Variants in AGBL4 observed in about 807,000 individuals in gnomAD.
The protein encoded by AGBL4 is cytosolic carboxypeptidase 6.
AGBL4 carries 58 observed loss-of-function variants against 66.4 expected under a neutral mutation model. The ratio of observed to expected loss-of-function variants is 0.87; its 90% CI spans 0.71 to 1.09. The LOEUF (loss-of-function observed/expected upper bound fraction) is 1.09. Among genes scored for constraint, AGBL4 ranks in the 50% least tolerant of loss-of-function variants. The probability of loss-of-function intolerance (pLI) is 0.00; values close to 1 mark genes in which losing one functional copy is unlikely to be tolerated. For missense variants in AGBL4, 579 were observed against 631.0 expected, an observed-to-expected ratio of 0.92 and a Z score of 0.88; for synonymous variants, 234 against 222.9, an observed-to-expected ratio of 1.05 and a Z score of -0.44.
Position 48,736,539 on chromosome 1 carries a change from A to C in AGBL4, c.635-73298T>G. The C allele has an allele frequency of 8.8e-7, 1 of 1,141,130 alleles. No individual in the cohort carries two copies. The highest frequency in any genetic ancestry group is 2.4e-5 in the East Asian group (1 of 42,462). 70.7% of individuals were successfully genotyped at this position (1,141,130 alleles called of 1,614,324 possible). A position where few individuals can be genotyped will look rare whatever the true frequency, so the allele number is the denominator to read the frequency against. ...CTTGTCCTTTAAAAAGCATTGCTGC[A>C]CAACTGTAAGAGATTCATGTCATAA... On this transcript the variant is annotated intron_variant, in intron 6 of 13. Coordinates refer to ENST00000371839, the MANE Select transcript of AGBL4 (RefSeq NM_032785.4). The surrounding 1 kb of genome is among the most constrained non-coding windows in gnomAD (Gnocchi z 4.0).
chr1:49,343,126 G>A (rs1404764034), intron 3 of AGBL4, among the ~76,000 whole-genome samples: 5 of 150,932 alleles, frequency 3.3e-5, no homozygotes, highest in South Asian at 4.2e-4. Flanking sequence ...CTTCTCAGTC[G>A]GCCTGAATTA....
chr1:49,763,492 T>C (rs967257536), intron 2 of AGBL4, among the ~76,000 whole-genome samples: 5 of 152,212 alleles, frequency 3.3e-5, no homozygotes, highest in African/African-American at 9.7e-5. Context: ...TTCTTCAAGA[T>C]GATGGTCTAA....
intron 3 of AGBL4, among the ~76,000 whole-genome samples, chr1:49,590,536 A>G (rs532470842): frequency 6.6e-6 from 1 of 152,224 alleles, no homozygotes; most frequent in East Asian, 1.9e-4. Flanking sequence ...AGAAAACATC[A>G]GCAAAGTTAT....
At position 49,947,281 on chromosome 1, in the gene AGBL4, T is replaced by A. The variant is rs151124099; in HGVS notation, c.34+76482A>T. Among the ~76,000 whole-genome samples, 69 of 152,008 alleles carry A rather than the reference T, an allele frequency of 4.5e-4. 1 individual carries two copies. Among genetic ancestry groups the A allele is most frequent in the African/African-American group, 1.5e-3 (62 of 41,502 alleles). On this transcript the variant is annotated intron_variant, in intron 1 of 13. Transcript: ENST00000371839. The stretch of plus-strand genomic sequence containing the variant: ...GACTAATACCCCTAATGAACATAGA[T>A]GCAAAAATCCTAAACAAAATACTAC...
intron 1 of AGBL4, among the ~76,000 whole-genome samples, chr1:49,934,630 T>C (rs1194551889): frequency 6.6e-6 from 1 of 151,974 alleles, no homozygotes; most frequent in Non-Finnish European, 1.5e-5. Context: ...CAACAAAATA[T>C]ACCAAAACCT....
At chr1:48,885,726 G>C (rs533169820) in intron 5 of AGBL4, among the ~76,000 whole-genome samples, 2 of 152,126 alleles carry the variant, frequency 1.3e-5, no homozygotes, top group Non-Finnish European at 2.9e-5. Flanking sequence ...AGTGAGTGCA[G>C]ACCATCATGG....
At chr1:49,015,737 A>C (rs1345134416) in intron 5 of AGBL4, among the ~76,000 whole-genome samples, 4 of 151,988 alleles carry the variant, frequency 2.6e-5, no homozygotes, top group Admixed American at 2.6e-4. Context: ...AGTGATTTTT[A>C]ACATTATCCT....
At chr1:49,991,769 T>A (rs1447918316) in intron 1 of AGBL4, among the ~76,000 whole-genome samples, 1 of 152,196 alleles carries the variant, frequency 6.6e-6, no homozygotes, top group Non-Finnish European at 1.5e-5. Context: ...TAGTTTTTTT[T>A]AATTCCTTTC....
At chr1:48,843,283 G>C (rs904906717) in intron 6 of AGBL4, among the ~76,000 whole-genome samples, 1 of 152,134 alleles carries the variant, frequency 6.6e-6, no homozygotes, top group Non-Finnish European at 1.5e-5. Flanking sequence ...TGAACTATGT[G>C]TGACTTACGA....
intron 11 of AGBL4, among the ~76,000 whole-genome samples, chr1:48,568,002 A>C (rs1304118813): frequency 6.6e-6 from 1 of 152,048 alleles, no homozygotes; most frequent in Non-Finnish European, 1.5e-5. Flanking sequence ...ACTCTATTTG[A>C]TATGCTTTCC....
intron 3 of AGBL4, among the ~76,000 whole-genome samples, chr1:49,289,840 C>A (rs1454751779): frequency 1.3e-5 from 2 of 151,886 alleles, no homozygotes; most frequent in Non-Finnish European, 1.5e-5. Context: ...GAAGGAAGAA[C>A]ACAGTAAATA....
chr1:49,700,375 T>C (rs565262036), intron 2 of AGBL4, among the ~76,000 whole-genome samples: 1 of 150,804 alleles, frequency 6.6e-6, no homozygotes, highest in Non-Finnish European at 1.5e-5. Context: ...TAAGTAAAAT[T>C]TGACAAAATT....
intron 3 of AGBL4, among the ~76,000 whole-genome samples, chr1:49,452,758 A>T (rs1646305805): frequency 6.6e-6 from 1 of 151,820 alleles, no homozygotes; most frequent in Non-Finnish European, 1.5e-5. Flanking sequence ...CTATAGACTA[A>T]AGATTAGTTC....
intron 3 of AGBL4, among the ~76,000 whole-genome samples, chr1:49,496,449 T>C (rs754851648): frequency 5.3e-5 from 8 of 151,970 alleles, no homozygotes; most frequent in African/African-American, 1.9e-4. Flanking sequence ...ATAGTCACCA[T>C]GTTGCACAAT....
chr1:48,575,994 C>T (rs1198757291), intron 11 of AGBL4, among the ~76,000 whole-genome samples: 2 of 152,196 alleles, frequency 1.3e-5, no homozygotes, highest in Non-Finnish European at 2.9e-5. Context: ...AGCTATCTCC[C>T]ACTGGCTCTT....
intron 9 of AGBL4, among the ~76,000 whole-genome samples, chr1:48,632,573 G>T (rs756509704): frequency 6.6e-6 from 1 of 151,932 alleles, no homozygotes; most frequent in Non-Finnish European, 1.5e-5. Flanking sequence ...ACTCCTTCTG[G>T]TCCAATGCCA....
chr1:49,261,140 G>A (rs1434914395), intron 3 of AGBL4, among the ~76,000 whole-genome samples: 1 of 151,830 alleles, frequency 6.6e-6, no homozygotes, highest in Non-Finnish European at 1.5e-5. Context: ...AATAAATTAG[G>A]TATTGATGGG....
At chr1:49,930,767 A>T (rs1191504020) in intron 1 of AGBL4, among the ~76,000 whole-genome samples, 2 of 152,168 alleles carry the variant, frequency 1.3e-5, no homozygotes, top group Admixed American at 6.5e-5. Flanking sequence ...TCAGCATGAT[A>T]AGAAAAATCA....
intron 6 of AGBL4, among the ~76,000 whole-genome samples, chr1:48,852,015 C>CTTTTTTTTTTT (rs138826187): frequency 7.0e-5 from 5 of 71,932 alleles, no homozygotes; most frequent in African/African-American, 2.5e-4. Context: ...CAGATACGTA[C>CTTTTTTTTTTT]TTTTTTTTTT....
Sources: allele counts gnomAD v4.1 joint callset (sites outside exome capture counted in the v4.1 genomes callset), GRCh38; gene constraint gnomAD v4.1.1; non-coding constraint Gnocchi (gnomAD v3.1); transcripts MANE v1.5; gene names NCBI Gene and HGNC (gene_info 2026-07-23, HGNC 2026-07-21).